Variants in ANAPC11 observed in about 807,000 individuals in gnomAD.
ANAPC11 encodes the protein anaphase-promoting complex subunit 11.
Under a neutral mutation model 11.8 loss-of-function variants are expected in ANAPC11, and 5 were observed. That is an observed-to-expected ratio of 0.42 (90% CI 0.22 to 0.89). The LOEUF is 0.89. Ranked by LOEUF, ANAPC11 falls within the 40% of genes least tolerant of loss-of-function variation. ANAPC11 has a pLI of 0.28. For missense variants in ANAPC11, 68 were observed against 112.9 expected (o/e 0.60, Z 1.80); for synonymous variants, 45 against 41.0 (o/e 1.10, Z -0.38).
intron 3 of ANAPC11, among the ~76,000 whole-genome samples, chr17:81,895,598 CAA>C (rs2039714005): frequency 1.3e-5 from 2 of 152,026 alleles, no homozygotes; most frequent in African/African-American, 4.8e-5. Flanking sequence ...ATCACAAGGT[CAA>C]GAGATGGAGG....
At chr17:81,891,582 G>GGCTCGAGCCCGCGCGTCA (rs1244535075), upstream of ANAPC11, 5 of 1,427,294 alleles carry the variant, frequency 3.5e-6, no homozygotes, top group African/African-American at 3.0e-5. Context: ...ATCGGGCATC[G>GGCTCGAGCCCGCGCGTCA]GCTCGAGCCC....
upstream of ANAPC11, chr17:81,890,949 C>A (rs1344509720): frequency 7.9e-6 from 11 of 1,396,976 alleles, no homozygotes; most frequent in East Asian, 1.9e-4. Context: ...GCCGCCAGCG[C>A]TCCCTCCGGC....
chr17:81,891,710 G>A (rs1379432768), upstream of ANAPC11: 1 of 847,656 alleles, frequency 1.2e-6, no homozygotes, highest in African/African-American at 1.9e-5. Flanking sequence ...GACGGGGTGA[G>A]GCGGGGAGGC....
intron 3 of ANAPC11, chr17:81,898,195 C>T (rs1437132502): frequency 1.3e-5 from 2 of 152,274 alleles, no homozygotes; most frequent in African/African-American, 2.4e-5. Context: ...ACTTCTGGAG[C>T]AGCAGCTTAA....
At chr17:81,899,135 G>C in intron 3 of ANAPC11, 1 of 1,221,286 alleles carries the variant, frequency 8.2e-7, no homozygotes, top group Non-Finnish European at 1.1e-6. Flanking sequence ...GGGACTTGCT[G>C]TGCTCTGTTG....
At chr17:81,894,017 G>A (rs892809777) in intron 2 of ANAPC11, among the ~76,000 whole-genome samples, 5 of 151,764 alleles carry the variant, frequency 3.3e-5, no homozygotes, top group African/African-American at 7.3e-5. Context: ...AGGGGTTCAC[G>A]CCTGTAATCC....
rs145009430 is a variant in ANAPC11 at position 81,894,463 on chromosome 17, G to A, written c.-11-4G>A. The stretch of plus-strand genomic sequence containing the variant: ...AGCCAGTCGTCCTGTTCCCTCCGCC[G>A]CAGGCTCTGCTGCCATGAAGGTGAA... On this transcript the variant is annotated splice_region_variant and splice_polypyrimidine_tract_variant and intron_variant, in intron 2 of 3. Transcript: ENST00000344877. The A allele has an allele frequency of 1.2e-3, 1,847 of 1,589,896 alleles. 8 individuals carry two copies. In the African/African-American group the frequency reaches 0.02, roughly 17 times the overall value.
chr17:81,899,972 C>T lies in ANAPC11; in HGVS notation c.162C>T (p.Cys54=). The T allele has an allele frequency of 6.2e-7, 1 of 1,613,054 alleles. No homozygotes were observed. The highest frequency in any genetic ancestry group is 8.5e-7 in the Non-Finnish European group (1 of 1,179,932). Residue 54 remains cysteine (C), a synonymous_variant, in exon 4 of 4, where the codon TGC becomes TGT. Coordinates refer to ENST00000344877, the MANE Select transcript of ANAPC11 (RefSeq NM_001002248.3). ...TGGTGTGGGGCCAGTGCTCCCACTG[C>T]TTCCACATGCATTGCATCCTCAAGT... ...CPLVWGQCSH[C]FHMHCILKWL... is the part of the protein sequence containing the mutation.
intron 1 of ANAPC11, among the ~76,000 whole-genome samples, chr17:81,892,524 ATTT>A (rs201667030): frequency 5.4e-5 from 7 of 128,498 alleles, no homozygotes; most frequent in Admixed American, 7.9e-5. Context: ...CATTTCATTG[ATTT>A]TTTTTTTTTT....
chr17:81,895,050 CTTTTTTTTTTTTT>C (rs766422017), intron 3 of ANAPC11, among the ~76,000 whole-genome samples: 11 of 85,070 alleles, frequency 1.3e-4, no homozygotes, highest in Non-Finnish European at 2.3e-4. Flanking sequence ...TCTTTCTTTT[CTTTTTTTTTTTTT>C]TTTTTTTTGA....
At chr17:81,891,689 T>A (rs1205157626), upstream of ANAPC11, 29 of 1,052,292 alleles carry the variant, frequency 2.8e-5, no homozygotes, top group African/African-American at 3.5e-5. Flanking sequence ...GGCGGACGGC[T>A]GCGCGCGCGG....
Position 81,891,952 on chromosome 17 carries a change from G to GGCTGGGGGC in ANAPC11, c.-75+124_-75+132dup, listed in dbSNP as rs1009248406. On this transcript the variant is annotated intron_variant, in intron 1 of 3. Coordinates refer to ENST00000344877, the MANE Select transcript of ANAPC11 (RefSeq NM_001002248.3). ...CCGCACGCTCCGCCCGATCGGCCAG[G>GGCTGGGGGC]GCTGGGGGCGCTGGGGGCGCTACGG... 7.9e-5 allele frequency: 13 copies of GGCTGGGGGC among 165,178 alleles called. No homozygotes were observed. The East Asian group carries it at 9.4e-4, about 12-fold the overall frequency. The allele number at this position is 165,178 out of a possible 1,614,324, so 10.2% of individuals were successfully genotyped here.
intron 3 of ANAPC11, chr17:81,898,938 C>T (rs1598303484): frequency 4.5e-6 from 2 of 444,128 alleles, no homozygotes; most frequent in East Asian, 8.2e-5. Flanking sequence ...AGGGGGCTAG[C>T]AGGCTTCAGC....
chr17:81,895,116 G>A (rs1293378030), intron 3 of ANAPC11, among the ~76,000 whole-genome samples: 5 of 142,394 alleles, frequency 3.5e-5, no homozygotes, highest in Admixed American at 2.2e-4. Context: ...GTGCAATGGC[G>A]CGATCTCGGC....
chr17:81,894,709 C>T, intron 3 of ANAPC11, 123 bp downstream of exon 3: 1 of 370,016 alleles, frequency 2.7e-6, no homozygotes. Context: ...TACCCAGTTT[C>T]ATTTTCTTTT....
At chr17:81,891,396 A>T, upstream of ANAPC11, 1 of 1,089,672 alleles carries the variant, frequency 9.2e-7, no homozygotes, top group South Asian at 3.4e-5. Flanking sequence ...CCGGTTCCGG[A>T]TGGGCCCGCC....
upstream of ANAPC11, chr17:81,891,255 G>A (rs569587696): frequency 4.9e-4 from 512 of 1,053,928 alleles, 9 homozygotes; most frequent in South Asian, 0.017. Flanking sequence ...TCTCCGCCGC[G>A]AGCGGCCCCG....
chr17:81,899,304 C>T (rs376590482), intron 3 of ANAPC11: 1 of 1,613,292 alleles, frequency 6.2e-7, no homozygotes, highest in African/African-American at 1.3e-5. Flanking sequence ...TGTGCCTGTC[C>T]TGGGAGGCAG....
chr17:81,895,343 G>GC (rs535527737), intron 3 of ANAPC11, among the ~76,000 whole-genome samples: 2,257 of 151,538 alleles, frequency 0.015, 27 homozygotes, highest in Non-Finnish European at 0.022. Context: ...GAACCACCGT[G>GC]CCCCCCCCAA....
Sources: gnomAD v4.1 joint callset for allele counts (sites outside exome capture counted in the v4.1 genomes callset) on GRCh38, gnomAD v4.1.1 for gene constraint, MANE v1.5 for transcripts, NCBI Gene and HGNC (gene_info 2026-07-23, HGNC 2026-07-21) for gene names.